Variants in MORC2 observed in about 807,000 individuals in gnomAD.
MORC2 encodes MORC family CW-type zinc finger 2.
Under a neutral mutation model 136.0 loss-of-function variants are expected in MORC2, and 30 were observed. That is an observed-to-expected ratio of 0.22 (90% CI 0.17 to 0.30). The LOEUF (loss-of-function observed/expected upper bound fraction) is 0.30. Ranked by LOEUF, MORC2 falls within the 10% of genes least tolerant of loss-of-function variation. MORC2 has a pLI of 1.00. For missense variants in MORC2, 922 were observed against 1,333.1 expected, an observed-to-expected ratio of 0.69 and a Z score of 4.80; for synonymous variants, 439 against 487.0, an observed-to-expected ratio of 0.90 and a Z score of 1.30.
At chr22:30,940,727 C>T in intron 10 of MORC2, 31 bp downstream of exon 10, 1 of 1,600,604 alleles carries the variant, frequency 6.2e-7, no homozygotes, top group Non-Finnish European at 8.6e-7. Context: ...GATGCACACC[C>T]CCCCAACTCC....
intron 1 of MORC2, chr22:30,967,077 A>G (rs1480308792): frequency 2.0e-6 from 2 of 982,906 alleles, no homozygotes; most frequent in Non-Finnish European, 2.4e-6. Context: ...TTCATCTCAA[A>G]AGTAACAGGT....
chr22:30,937,172 C>A lies in MORC2; in HGVS notation c.1499-135G>T. 1.5e-6 allele frequency: 1 copy of A among 678,578 alleles called. No homozygotes were observed. Among genetic ancestry groups the A allele is most frequent in the Non-Finnish European group, 2.6e-6 (1 of 380,322 alleles). 42.0% of individuals were successfully genotyped at this position (678,578 alleles called of 1,614,324 possible). ...ATCTTCACTCGGGCTCCAACTCTGC[C>A]TATCCTTAGAGAATACTAATTCTTC... On this transcript the variant is annotated intron_variant, in intron 15 of 25. Coordinates refer to ENST00000397641, the MANE Select transcript of MORC2 (RefSeq NM_001303256.3). The surrounding 1 kb of genome is among the most constrained non-coding windows in gnomAD (Gnocchi z 4.7).
At chr22:30,930,802 C>T (rs919350857) in intron 24 of MORC2, among the ~76,000 whole-genome samples, 7 of 152,154 alleles carry the variant, frequency 4.6e-5, no homozygotes, top group Admixed American at 3.3e-4. Context: ...GGACAATTCC[C>T]AGAGCCCCAT....
intron 10 of MORC2, among the ~76,000 whole-genome samples, chr22:30,940,434 T>C (rs931778247): frequency 6.6e-6 from 1 of 152,116 alleles, no homozygotes; most frequent in African/African-American, 2.4e-5. Context: ...GCCCCTGAGA[T>C]GTTTGCCCTG....
chr22:30,956,893 C>A, intron 2 of MORC2, 96 bp from the exon 3 acceptor site: 2 of 1,017,750 alleles, frequency 2.0e-6, no homozygotes, highest in Non-Finnish European at 2.9e-6. Context: ...TATTTTGAGT[C>A]TGTTTTCAGG....
At chr22:30,960,833 T>A (rs1464689661) in intron 1 of MORC2, among the ~76,000 whole-genome samples, 8 of 144,238 alleles carry the variant, frequency 5.5e-5, no homozygotes, top group Non-Finnish European at 9.0e-5. Flanking sequence ...AAAAAGTCCA[T>A]AAAACAGCCA....
chr22:30,936,852 A>G (rs1474582799), intron 16 of MORC2, 80 bp downstream of exon 16: 1 of 1,386,060 alleles, frequency 7.2e-7, no homozygotes, highest in Non-Finnish European at 1.0e-6. Flanking sequence ...GATGTAAGGT[A>G]TGTGCACTGA....
intron 1 of MORC2, among the ~76,000 whole-genome samples, chr22:30,960,936 GCTCACTGCAAC>G (rs1170452033): frequency 7.2e-6 from 1 of 139,054 alleles, no homozygotes; most frequent in Non-Finnish European, 1.6e-5. Flanking sequence ...CGCAATCTCG[GCTCACTGCAAC>G]CTCTGCCTCC....
intron 3 of MORC2, among the ~76,000 whole-genome samples, chr22:30,951,099 T>C (rs1341603964): frequency 1.3e-5 from 2 of 152,194 alleles, no homozygotes; most frequent in African/African-American, 2.4e-5. Flanking sequence ...AGGCACATGG[T>C]ACAACGTGGA....
At chr22:30,956,936 T>C in intron 2 of MORC2, 139 bp from the exon 3 acceptor site, 1 of 612,456 alleles carries the variant, frequency 1.6e-6, no homozygotes, top group Non-Finnish European at 2.6e-6. Context: ...ACATTTAGAA[T>C]TTTTTTTACT....
chr22:30,967,476 G>A, intron 1 of MORC2: 1 of 1,048,090 alleles, frequency 9.5e-7, no homozygotes, highest in Non-Finnish European at 1.2e-6. Flanking sequence ...AGGGGAAACG[G>A]TTGATACTAA....
chr22:30,943,757 C>T (rs985043516), intron 6 of MORC2, among the ~76,000 whole-genome samples: 1 of 151,966 alleles, frequency 6.6e-6, no homozygotes, highest in Non-Finnish European at 1.5e-5. Flanking sequence ...TTTTTTGAGA[C>T]GGAGTCTTGC....
chr22:30,945,601 T>C (rs1044228814), intron 6 of MORC2, among the ~76,000 whole-genome samples: 3 of 152,178 alleles, frequency 2.0e-5, no homozygotes, highest in Non-Finnish European at 4.4e-5. Context: ...TCTCCCACAA[T>C]GAGGGGGCAT....
In MORC2 at chr22:30,932,797, G is replaced by A. The variant is rs1294731255; in HGVS notation, c.2523-28C>T. 9 of 1,613,348 alleles carry A rather than the reference G, an allele frequency of 5.6e-6. No homozygotes were observed. Among genetic ancestry groups the A allele is most frequent in the Non-Finnish European group, 6.8e-6 (8 of 1,179,494 alleles). ...GTGGAAGACACACAGCTTATGTCAT[G>A]TCTGACCCGGGCTCCCAGGATGGGC... is the stretch of plus-strand genomic sequence containing the variant. On this transcript the variant is annotated intron_variant, in intron 22 of 25. Coordinates refer to ENST00000397641, the MANE Select transcript of MORC2 (RefSeq NM_001303256.3). The surrounding 1 kb of genome is among the most constrained non-coding windows in gnomAD (Gnocchi z 4.4).
chr22:30,951,204 A>C (rs554334854), intron 3 of MORC2, among the ~76,000 whole-genome samples: 3 of 152,366 alleles, frequency 2.0e-5, no homozygotes, highest in Admixed American at 1.3e-4. Flanking sequence ...TTCCTGGCCA[A>C]CAGAAAAGGA....
At chr22:30,943,501 CTT>C (rs776786584) in intron 6 of MORC2, among the ~76,000 whole-genome samples, 187 of 152,304 alleles carry the variant, frequency 1.2e-3, no homozygotes, top group Non-Finnish European at 1.9e-3. Flanking sequence ...AAATCCTACT[CTT>C]TCTTCAAAAA....
Position 30,937,720 on chromosome 22 carries a change from CA to C in MORC2, c.1370-10del. 6.2e-7 allele frequency: 1 copy of C among 1,614,110 alleles called. No individual in the cohort carries two copies. The highest frequency in any genetic ancestry group is 8.5e-7 in the Non-Finnish European group (1 of 1,180,012). ...GATGATTCCCCTCTGGGCTGGAAAG[CA>C]AACACCGATACATCATGTTAGGAGC... On this transcript the variant is annotated splice_polypyrimidine_tract_variant and intron_variant, in intron 14 of 25. Coordinates refer to ENST00000397641, the MANE Select transcript of MORC2 (RefSeq NM_001303256.3). The surrounding 1 kb of genome is among the most constrained non-coding windows in gnomAD (Gnocchi z 4.7).
chr22:30,953,110 C>T (rs1348948774), intron 3 of MORC2, among the ~76,000 whole-genome samples: 3 of 152,200 alleles, frequency 2.0e-5, no homozygotes, highest in African/African-American at 4.8e-5. Flanking sequence ...AACTCGAAGG[C>T]GTCCCTGCTC....
chr22:30,965,563 T>C (rs1377402555), intron 1 of MORC2, among the ~76,000 whole-genome samples: 4 of 152,192 alleles, frequency 2.6e-5, no homozygotes, highest in South Asian at 4.1e-4. Context: ...AAGGTCGAAT[T>C]TGTGATCCAG....
Sources: gnomAD v4.1 joint callset for allele counts (sites outside exome capture counted in the v4.1 genomes callset) on GRCh38, gnomAD v4.1.1 for gene constraint, Gnocchi (gnomAD v3.1) non-coding constraint, MANE v1.5 for transcripts, NCBI Gene and HGNC (gene_info 2026-07-23, HGNC 2026-07-21) for gene names.